DNAH14: variants seen among roughly 807,000 people sequenced by gnomAD.
DNAH14 encodes the protein dynein axonemal heavy chain 14.
A neutral mutation model predicts 520.9 loss-of-function variants in DNAH14; 478 were observed. The ratio of observed to expected loss-of-function variants is 0.92; its 90% CI spans 0.85 to 0.99. DNAH14 has a LOEUF of 0.99. DNAH14 is among the 50% of genes least tolerant of loss of function. The pLI, the probability that DNAH14 is intolerant of heterozygous loss-of-function variation, is 0.00. For missense variants in DNAH14, 4,831 were observed against 5,234.5 expected (o/e 0.92, Z 2.38); for synonymous variants, 1,581 against 1,757.2 (o/e 0.90, Z 2.51).
At chr1:225,396,810 G>C (rs2096017016) in intron 84 of DNAH14, 1 of 152,164 alleles carries the variant, frequency 6.6e-6, no homozygotes, top group African/African-American at 2.4e-5. Flanking sequence ...AGATTTTTCA[G>C]AGGAAAAACC....
intron 77 of DNAH14, among the ~76,000 whole-genome samples, chr1:225,371,047 C>T (rs979620112): frequency 2.0e-5 from 3 of 152,048 alleles, no homozygotes; most frequent in Non-Finnish European, 4.4e-5. Flanking sequence ...TCACTCTGAA[C>T]GTTAAGAAAC....
At chr1:224,994,625 T>A (rs2063276344) in intron 8 of DNAH14, among the ~76,000 whole-genome samples, 1 of 152,084 alleles carries the variant, frequency 6.6e-6, no homozygotes, top group Non-Finnish European at 1.5e-5. Context: ...TTTTTAAATC[T>A]ATTTAGTCAC....
chr1:225,297,272 C>T (rs547212210), intron 55 of DNAH14, among the ~76,000 whole-genome samples: 1 of 152,104 alleles, frequency 6.6e-6, no homozygotes, highest in South Asian at 2.1e-4. Context: ...AAACTATCTT[C>T]CTGATTTTGT....
rs556575466 is a variant in DNAH14 at position 225,385,079 on chromosome 1, C to T, written c.13078-3300C>T. ...GGATGCAGGGGTGGTTCAACATACA[C>T]AAATCAATAAACGTAATCCATCATG... On this transcript the variant is annotated intron_variant, in intron 81 of 85. Coordinates refer to ENST00000682510, the MANE Select transcript of DNAH14 (RefSeq NM_001367479.1). Among the ~76,000 whole-genome samples the T allele has an allele frequency of 7.2e-5, 11 of 152,268 alleles. No homozygotes were observed. In the South Asian group the frequency reaches 1.9e-3, roughly 26 times the overall value.
rs534789023 is a variant in DNAH14, at chr1:225,045,948, G to C, written c.1912+1965G>C. ...CTTACCTTGCCTGCAAGTTATTACT[G>C]TGGTGTTCTTAATGGTGATTTTCTA... On this transcript the variant is annotated intron_variant, in intron 15 of 85. Transcript: ENST00000682510. Among the ~76,000 whole-genome samples the C allele has an allele frequency of 2.6e-5, 4 of 152,096 alleles. No individual in the cohort carries two copies. In the South Asian group the frequency reaches 8.3e-4, roughly 32 times the overall value.
intron 34 of DNAH14, among the ~76,000 whole-genome samples, chr1:225,159,030 ATTTCT>A (rs1475701921): frequency 1.5e-4 from 23 of 152,170 alleles, no homozygotes; most frequent in Non-Finnish European, 1.5e-5. Context: ...GCCTAAATTC[ATTTCT>A]TTTATTTGCA....
chr1:224,961,185 T>G (rs2060821744), intron 4 of DNAH14: 1 of 152,254 alleles, frequency 6.6e-6, no homozygotes, highest in South Asian at 2.1e-4. Context: ...TGAGGGAGCT[T>G]GGAAGCAGAT....
rs373211886 is a variant in DNAH14 at position 225,377,447 on chromosome 1, G to A, written c.12716+11G>A. ...CAACCTCATGATCAGGTAAGAACTC[G>A]CTAGGAAAAATTGTTGGTCAAAAAT... On this transcript the variant is annotated intron_variant, in intron 79 of 85. Transcript: ENST00000682510. The A allele has an allele frequency of 9.7e-5, 149 of 1,532,796 alleles. No individual in the cohort carries two copies. The highest frequency in any genetic ancestry group is 1.3e-4 in the Non-Finnish European group (144 of 1,137,590). The allele number at this position is 1,532,796 out of a possible 1,614,324, so 94.9% of individuals were successfully genotyped here.
chr1:225,395,554 T>C (rs1046644180), intron 84 of DNAH14, among the ~76,000 whole-genome samples: 1 of 144,998 alleles, frequency 6.9e-6, no homozygotes, highest in African/African-American at 2.6e-5. Flanking sequence ...ATCGCGCCAC[T>C]GCGCTCCAGC....
intron 7 of DNAH14, among the ~76,000 whole-genome samples, chr1:224,971,145 A>T (rs2061481346): frequency 6.6e-6 from 1 of 152,172 alleles, no homozygotes; most frequent in Admixed American, 6.5e-5. Flanking sequence ...ATATCACATC[A>T]CATTAGGATT....
At chr1:225,185,002 T>C (rs2084513436) in intron 36 of DNAH14, among the ~76,000 whole-genome samples, 1 of 152,012 alleles carries the variant, frequency 6.6e-6, no homozygotes, top group Non-Finnish European at 1.5e-5. Flanking sequence ...TATGACTCTG[T>C]ACCTGTTATT....
intron 3 of DNAH14, 142 bp from the exon 4 acceptor site, chr1:224,960,011 C>A: frequency 1.4e-6 from 1 of 692,326 alleles, no homozygotes. Flanking sequence ...GGAACCCAGG[C>A]AGTGGGATTC....
chr1:225,231,952 C>CAT (rs1321075671), intron 42 of DNAH14, among the ~76,000 whole-genome samples: 2 of 152,036 alleles, frequency 1.3e-5, no homozygotes, highest in Admixed American at 6.6e-5. Context: ...CATAATCACT[C>CAT]ATATATATAC....
At chr1:225,183,943 CA>C (rs936505308) in intron 36 of DNAH14, among the ~76,000 whole-genome samples, 1 of 150,332 alleles carries the variant, frequency 6.7e-6, no homozygotes, top group Non-Finnish European at 1.5e-5. Context: ...ACCTACCAAA[CA>C]AAAAAAAACC....
chr1:225,165,962 T>C (rs2082005494), intron 35 of DNAH14, among the ~76,000 whole-genome samples: 1 of 152,286 alleles, frequency 6.6e-6, no homozygotes, highest in East Asian at 1.9e-4. Context: ...AGAAGTACAA[T>C]AGATACTTGT....
intron 74 of DNAH14, among the ~76,000 whole-genome samples, 163 bp from the exon 75 acceptor site, chr1:225,360,518 G>A (rs1320967157): frequency 6.6e-6 from 1 of 152,196 alleles, no homozygotes; most frequent in African/African-American, 2.4e-5. Flanking sequence ...CTAGTAAGTG[G>A]CAGGACCAAA....
chr1:225,190,880 T>C (rs1159657856), intron 37 of DNAH14, among the ~76,000 whole-genome samples: 2 of 152,002 alleles, frequency 1.3e-5, no homozygotes, highest in Non-Finnish European at 2.9e-5. Context: ...TATTTTGTTG[T>C]GGCAGCCCTA....
chr1:225,034,846 C>T (rs2066826775), intron 11 of DNAH14, among the ~76,000 whole-genome samples: 1 of 151,982 alleles, frequency 6.6e-6, no homozygotes, highest in Non-Finnish European at 1.5e-5. Context: ...TCTAGATTTT[C>T]TAGTTTGTGT....
Position 225,038,735 on chromosome 1 carries a change from A to G in DNAH14, c.1400A>G (p.Asn467Ser), listed in dbSNP as rs1026440937. 1.4e-5 allele frequency: 21 copies of G among 1,535,770 alleles called. No homozygotes were observed. The highest frequency in any genetic ancestry group is 1.8e-5 in the Non-Finnish European group (21 of 1,142,242). The stretch of plus-strand genomic sequence containing the variant: ...TCTTTTCCTACTGGAAAGACAACAA[A>G]TGATTGTGAAGAACTTGTTGATAAT... ...DNSFPTGKTTNDCEELVDNSK... is the reference protein window; with the variant it reads ...DNSFPTGKTTSDCEELVDNSK... The change falls in exon 12 of 86, where the codon AAT becomes AGT. Residue 467 changes from asparagine (N) to serine (S), a missense_variant. Physicochemically the swap from Asn to Ser is conservative, Grantham distance 46. Transcript: ENST00000682510.
Sources: gnomAD v4.1 joint callset for allele counts (sites outside exome capture counted in the v4.1 genomes callset) on GRCh38, gnomAD v4.1.1 for gene constraint, MANE v1.5 for transcripts, NCBI Gene and HGNC (gene_info 2026-07-23, HGNC 2026-07-21) for gene names.